Variants in RANBP2 observed in about 807,000 individuals in gnomAD.
RANBP2 encodes E3 SUMO-protein ligase RanBP2.
In RANBP2, 57 loss-of-function variants were observed where a neutral mutation model predicts 303.6. The ratio of observed to expected loss-of-function variants is 0.19; its 90% confidence interval spans 0.15 to 0.23. The LOEUF is 0.23. RANBP2 is among the 10% of genes least tolerant of loss of function. The pLI, the probability that RANBP2 is intolerant of heterozygous loss-of-function variation, is 1.00. For synonymous variants in RANBP2, 1,167 were observed against 1,301.5 expected (o/e 0.90, Z 2.23); for missense variants, 3,138 against 3,780.8 (o/e 0.83, Z 4.46).
chr2:109,139,801 AG>A, the RANBP2 span, among the ~76,000 whole-genome samples: 1 of 152,186 alleles, frequency 6.6e-6, no homozygotes, highest in African/African-American at 2.4e-5. Context: ...GCAGTTTTTG[AG>A]CTTTTCAATC....
chr2:109,684,259 T>TTTTTTTTTTTTG, the RANBP2 span, among the ~76,000 whole-genome samples: 4 of 147,340 alleles, frequency 2.7e-5, no homozygotes, highest in African/African-American at 7.5e-5. Context: ...TTTTTTTTTT[T>TTTTTTTTTTTTG]GAGGCAGCGT....
chr2:109,639,693 C>A, the RANBP2 span, among the ~76,000 whole-genome samples: 130 of 151,452 alleles, frequency 8.6e-4, no homozygotes, highest in African/African-American at 3.0e-3. Context: ...GTTAAGAGGT[C>A]ATTTATGTTT....
chr2:108,853,133 G>A, the RANBP2 span, among the ~76,000 whole-genome samples: 3,151 of 152,272 alleles, frequency 0.021, 41 homozygotes, highest in Non-Finnish European at 0.034. Flanking sequence ...AAGATAAATA[G>A]CTGATAGACC....
At chr2:109,574,617 T>C in the RANBP2 span, 72 of 1,600,216 alleles carry the variant, frequency 4.5e-5, no homozygotes, top group East Asian at 1.6e-3. Flanking sequence ...AGAGATCAAG[T>C]GTCTTCAGAG....
At chr2:108,741,923 A>G (rs1187804907) in intron 7 of RANBP2, among the ~76,000 whole-genome samples, 1 of 150,796 alleles carries the variant, frequency 6.6e-6, no homozygotes, top group Non-Finnish European at 1.5e-5. Flanking sequence ...TGTTAATTTT[A>G]GAGAAGGATT....
the RANBP2 span, chr2:108,812,924 C>A: frequency 2.5e-6 from 4 of 1,612,790 alleles, no homozygotes; most frequent in East Asian, 4.5e-5. Flanking sequence ...CAAAAACTTA[C>A]AAGGTAAGTT....
chr2:109,748,011 C>CTTT, the RANBP2 span, among the ~76,000 whole-genome samples: 2 of 52,462 alleles, frequency 3.8e-5, no homozygotes, highest in African/African-American at 8.6e-5. Flanking sequence ...ACATTTATAC[C>CTTT]TTTTTTTTTT....
At chr2:109,184,834 G>A in the RANBP2 span, among the ~76,000 whole-genome samples, 1 of 152,222 alleles carries the variant, frequency 6.6e-6, no homozygotes, top group African/African-American at 2.4e-5. Flanking sequence ...CAGTTACGTG[G>A]TTGTCCAGAA....
chr2:109,550,251 T>C, the RANBP2 span, among the ~76,000 whole-genome samples: 2 of 151,502 alleles, frequency 1.3e-5, no homozygotes, highest in African/African-American at 2.4e-5. Context: ...GATTGCACCA[T>C]TGTACTCCAG....
the RANBP2 span, among the ~76,000 whole-genome samples, chr2:108,799,630 G>A: frequency 1.3e-5 from 2 of 152,132 alleles, no homozygotes; most frequent in African/African-American, 4.8e-5. Flanking sequence ...AGTTTGTTCT[G>A]TTTGTGGTTA....
chr2:109,597,327 T>C, the RANBP2 span, among the ~76,000 whole-genome samples: 10 of 152,220 alleles, frequency 6.6e-5, no homozygotes, highest in African/African-American at 2.4e-4. Flanking sequence ...GAGCTCTGTG[T>C]AGGGCTAAGA....
chr2:109,287,918 C>A, the RANBP2 span, among the ~76,000 whole-genome samples: 4 of 152,234 alleles, frequency 2.6e-5, no homozygotes, highest in Non-Finnish European at 5.9e-5. Flanking sequence ...TGCCACCTCT[C>A]TACATCCAGG....
the RANBP2 span, among the ~76,000 whole-genome samples, chr2:109,316,308 G>A: frequency 6.6e-6 from 1 of 152,154 alleles, no homozygotes; most frequent in African/African-American, 2.4e-5. Flanking sequence ...ATGCTGGGAA[G>A]GGGATGGAGG....
the RANBP2 span, among the ~76,000 whole-genome samples, chr2:109,078,119 GC>G: frequency 0.02 from 957 of 47,834 alleles, 69 homozygotes; most frequent in Non-Finnish European, 0.023. Context: ...TATATATATA[GC>G]GTGTATATAT....
the RANBP2 span, among the ~76,000 whole-genome samples, chr2:109,329,620 C>T: frequency 2.0e-5 from 3 of 152,206 alleles, no homozygotes; most frequent in African/African-American, 4.8e-5. Flanking sequence ...AGGCCTCCCT[C>T]AAGGGAGGAC....
chr2:108,979,500 C>T, the RANBP2 span, among the ~76,000 whole-genome samples: 2 of 149,332 alleles, frequency 1.3e-5, no homozygotes, highest in Non-Finnish European at 3.0e-5. Flanking sequence ...CACACACACA[C>T]GCATGGCACA....
At chr2:109,153,102 A>G in the RANBP2 span, among the ~76,000 whole-genome samples, 1 of 152,100 alleles carries the variant, frequency 6.6e-6, no homozygotes, top group Non-Finnish European at 1.5e-5. Context: ...TTGTCAGAAA[A>G]CCCATTCCCA....
chr2:109,608,727 G>T, the RANBP2 span, among the ~76,000 whole-genome samples: 1 of 152,112 alleles, frequency 6.6e-6, no homozygotes, highest in Non-Finnish European at 1.5e-5. Context: ...TGAGATACAT[G>T]ATTCCTCCTC....
At chr2:108,822,342 A>G in the RANBP2 span, among the ~76,000 whole-genome samples, 1 of 152,228 alleles carries the variant, frequency 6.6e-6, no homozygotes, top group Non-Finnish European at 1.5e-5. Flanking sequence ...AAATAGTAAC[A>G]TAATACTACT....
Sources: allele counts gnomAD v4.1 joint callset (sites outside exome capture counted in the v4.1 genomes callset), GRCh38; gene constraint gnomAD v4.1.1; transcripts MANE v1.5; gene names NCBI Gene and HGNC (gene_info 2026-07-23, HGNC 2026-07-21).